Variants in PALM observed in about 807,000 individuals in gnomAD.
PALM encodes paralemmin-1.
In PALM, 18 loss-of-function variants were observed where a neutral mutation model predicts 30.7. That is an observed-to-expected ratio of 0.59 (90% CI 0.41 to 0.87). The LOEUF (loss-of-function observed/expected upper bound fraction) is 0.87, where lower values mean the gene tolerates loss of function less well. Among genes scored for constraint, PALM ranks in the 40% least tolerant of loss-of-function variants. The pLI, the probability that PALM is intolerant of heterozygous loss-of-function variation, is 0.00. For missense variants in PALM, 529 were observed against 555.4 expected (o/e 0.95, Z 0.48); for synonymous variants, 286 against 242.8 (o/e 1.18, Z -1.66).
chr19:727,737 C>T (rs770798489), intron 4 of PALM, 43 bp downstream of exon 4: 14 of 1,495,402 alleles, frequency 9.4e-6, no homozygotes, highest in South Asian at 3.9e-5. Flanking sequence ...GGTGGGGCCT[C>T]GGGGGCCGCT....
intron 2 of PALM, among the ~76,000 whole-genome samples, chr19:726,568 G>A (rs909588837): frequency 1.3e-5 from 2 of 152,064 alleles, no homozygotes; most frequent in Admixed American, 6.5e-5. Flanking sequence ...TCTGTGACCC[G>A]ACCCTCCTGT....
In PALM at chr19:711,286, G is replaced by A. The variant is rs941605173; in HGVS notation, c.5+2135G>A. 16 of 557,580 alleles carry A rather than the reference G, an allele frequency of 2.9e-5. No homozygotes were observed. The Admixed American group carries it at 7.6e-4, about 27-fold the overall frequency. The allele number at this position is 557,580 out of a possible 1,614,324, so 34.5% of individuals were successfully genotyped here. The stretch of plus-strand genomic sequence containing the variant: ...CTGGGAGGGTTTGTGTGGCCCCTGC[G>A]TGACACATGGTCTGGCTGGTAAAAT... On this transcript the variant is annotated intron_variant, in intron 1 of 8. Coordinates refer to ENST00000338448, the MANE Select transcript of PALM (RefSeq NM_002579.3).
chr19:745,309 C>A (rs1242987799), intron 8 of PALM, among the ~76,000 whole-genome samples: 1 of 152,208 alleles, frequency 6.6e-6, no homozygotes, highest in Non-Finnish European at 1.5e-5. Context: ...CAGCTGTGTC[C>A]CTTCTTTGAA....
intron 1 of PALM, among the ~76,000 whole-genome samples, chr19:718,794 G>A (rs2238556): frequency 2.0e-5 from 3 of 151,874 alleles, no homozygotes; most frequent in East Asian, 2.0e-4. Flanking sequence ...CGGTGGAGAA[G>A]GGAAAGGGGA....
chr19:736,158 C>CGGGGGGGGGGGGTGGGGG, intron 7 of PALM, 80 bp downstream of exon 7: 4 of 500,692 alleles, frequency 8.0e-6, no homozygotes, highest in Non-Finnish European at 1.5e-5. Flanking sequence ...CCGGGTGGGG[C>CGGGGGGGGGGGGTGGGGG]GGGGGCGACA....
At chr19:712,600 G>T (rs1219340432) in intron 1 of PALM, among the ~76,000 whole-genome samples, 1 of 151,444 alleles carries the variant, frequency 6.6e-6, no homozygotes, top group East Asian at 1.9e-4. Context: ...AGCCAGGATG[G>T]TCTCAATCTC....
chr19:746,676 A>T lies in PALM; in HGVS notation c.1026A>T (p.Pro342=). Reference sequence around the variant, plus strand: ...CGGCTGAGCCCAAGGAGCCTGCACCACCCAACGGCAGTGCTGCCGAGCCTC... The same window carrying T: ...CGGCTGAGCCCAAGGAGCCTGCACCTCCCAACGGCAGTGCTGCCGAGCCTC... ...EDAAEPKEPA[P]PNGSAAEPPT... is the part of the protein sequence containing the mutation. Residue 342 remains proline, a synonymous_variant, in exon 9 of 9, where the codon CCA becomes CCT. Coordinates refer to ENST00000338448, the MANE Select transcript of PALM (RefSeq NM_002579.3). The surrounding 1 kb of genome is among the most constrained non-coding windows in gnomAD (Gnocchi z 7.1). The T allele has an allele frequency of 6.2e-7, 1 of 1,610,578 alleles. No homozygotes were observed. The highest frequency in any genetic ancestry group is 8.5e-7 in the Non-Finnish European group (1 of 1,179,112).
intron 4 of PALM, among the ~76,000 whole-genome samples, chr19:728,388 A>C (rs539573301): frequency 6.6e-6 from 1 of 152,328 alleles, no homozygotes; most frequent in African/African-American, 2.4e-5. Context: ...CGGACCTCGC[A>C]GGCCCTTCCC....
chr19:740,606 G>A, intron 8 of PALM, 123 bp downstream of exon 8: 2 of 989,232 alleles, frequency 2.0e-6, no homozygotes, highest in South Asian at 3.2e-5. Context: ...TGAAGCAGAT[G>A]ACGCTGTTCA....
rs1401466654 is a variant in PALM, at chr19:727,635, G to A, written c.210G>A (p.Leu70=). The change falls in exon 4 of 9, where the codon CTG becomes CTA. Residue 70 remains leucine, a synonymous_variant. Transcript: ENST00000338448. ...CGGCCTCAGAGGGGGATGAGGACCT[G>A]AGGAGGCAGATGCAGGACGACGAGC... The part of the protein sequence containing the change: ...PSSASEGDED[L]RRQMQDDEQK... The A allele has an allele frequency of 1.9e-6, 3 of 1,574,382 alleles. No individual in the cohort carries two copies. The highest frequency in any genetic ancestry group is 1.2e-5 in the South Asian group (1 of 85,908).
At chr19:719,777 C>A in intron 1 of PALM, 1 of 352,354 alleles carries the variant, frequency 2.8e-6, no homozygotes, top group Non-Finnish European at 4.0e-6. Context: ...GCCCCGCCCG[C>A]AGGAGGATGA....
At chr19:738,394 C>T (rs2283585) in intron 7 of PALM, among the ~76,000 whole-genome samples, 8,695 of 152,136 alleles carry the variant, frequency 0.057, 340 homozygotes, top group South Asian at 0.074. Context: ...GGCATGGTGG[C>T]AGGTGCCTGT....
In PALM at chr19:746,154, G is replaced by T; in HGVS notation, c.635-131G>T. 1.5e-6 allele frequency: 1 copy of T among 667,744 alleles called. No homozygotes were observed. The highest frequency in any genetic ancestry group is 2.6e-6 in the Non-Finnish European group (1 of 385,636). The allele number at this position is 667,744 out of a possible 1,614,324, so 41.4% of individuals were successfully genotyped here. ...CTGTCAGTTCTGACGGTGTAATCTA[G>T]TTCGTGATTTCCTCTTTAGCCTGGA... is the stretch of plus-strand genomic sequence containing the variant. On this transcript the variant is annotated intron_variant, in intron 8 of 8. Coordinates refer to ENST00000338448, the MANE Select transcript of PALM (RefSeq NM_002579.3). The surrounding 1 kb of genome is among the most constrained non-coding windows in gnomAD (Gnocchi z 7.1).
In PALM at chr19:740,226, G is replaced by C. The variant is rs1599165634; in HGVS notation, c.503-126G>C. On this transcript the variant is annotated intron_variant, in intron 7 of 8. Coordinates refer to ENST00000338448, the MANE Select transcript of PALM (RefSeq NM_002579.3). ...TCGAGAAGGTGCCCAGGCATCCCCG[G>C]CTCCGCCTGCCCCATCGCTGCTTGG... 5.4e-6 allele frequency: 5 copies of C among 930,722 alleles called. No individual in the cohort carries two copies. The East Asian group carries it at 1.4e-4, about 26-fold the overall frequency. 57.7% of individuals were successfully genotyped at this position (930,722 alleles called of 1,614,324 possible). A position where few individuals can be genotyped will look rare whatever the true frequency, so the allele number is the denominator to read the frequency against.
intron 8 of PALM, among the ~76,000 whole-genome samples, chr19:743,382 G>A (rs909570246): frequency 1.3e-5 from 2 of 152,196 alleles, no homozygotes; most frequent in African/African-American, 2.4e-5. Flanking sequence ...GCTTAGCAAC[G>A]GGCAGGTGAT....
intron 3 of PALM, 33 bp downstream of exon 3, chr19:727,121 G>A: frequency 1.4e-6 from 2 of 1,430,020 alleles, no homozygotes; most frequent in East Asian, 2.5e-5. Context: ...GGGTCAGGGA[G>A]TGCAGGCGGC....
intron 1 of PALM, among the ~76,000 whole-genome samples, chr19:720,530 G>A (rs1340998409): frequency 3.5e-5 from 5 of 141,736 alleles, no homozygotes; most frequent in African/African-American, 5.2e-5. Context: ...GGTCTGGGGA[G>A]GGGCGAGAGG....
Position 731,158 on chromosome 19 carries a change from C to T in PALM, c.333C>T (p.Asn111=), listed in dbSNP as rs374481450. Residue 111 remains asparagine (N), a synonymous_variant, in exon 5 of 9, where the codon AAC becomes AAT. Transcript: ENST00000338448. ...CCGCCCCAGCCACTGCCAAGGAGAA[C>T]GCGGCGGCCCCGAGCCCAGTCCGGG... The part of the protein sequence containing the change: ...GDSAPATAKE[N]AAAPSPVRAP... 6.2e-6 allele frequency: 10 copies of T among 1,608,366 alleles called. No homozygotes were observed. The highest frequency in any genetic ancestry group is 1.7e-4 in the Middle Eastern group (1 of 6,002).
At chr19:744,122 C>T (rs78630245) in intron 8 of PALM, among the ~76,000 whole-genome samples, 11,435 of 152,208 alleles carry the variant, frequency 0.075, 548 homozygotes, top group Non-Finnish European at 0.11. Context: ...TAACATTGGC[C>T]GGGCATGGTG....
Sources: gnomAD v4.1 joint callset for allele counts (sites outside exome capture counted in the v4.1 genomes callset) on GRCh38, gnomAD v4.1.1 for gene constraint, Gnocchi (gnomAD v3.1) non-coding constraint, MANE v1.5 for transcripts, NCBI Gene and HGNC (gene_info 2026-07-23, HGNC 2026-07-21) for gene names.